CPXM2: variants seen among roughly 807,000 people sequenced by gnomAD.
The protein encoded by CPXM2 is carboxypeptidase X, M14 family member 2, also known as inactive carboxypeptidase-like protein X2.
A neutral mutation model predicts 86.1 loss-of-function variants in CPXM2; 66 were observed. That is an observed-to-expected ratio of 0.77 (90% CI 0.63 to 0.94). CPXM2 has a LOEUF of 0.94. Among genes scored for constraint, CPXM2 ranks in the 40% least tolerant of loss-of-function variants. The pLI, the probability that CPXM2 is intolerant of heterozygous loss-of-function variation, is 0.00. For synonymous variants in CPXM2, 388 were observed against 400.2 expected (o/e 0.97, Z 0.36); for missense variants, 948 against 1,026.3 (o/e 0.92, Z 1.04).
At chr10:123,770,222 C>T (rs1336665563) in intron 8 of CPXM2, among the ~76,000 whole-genome samples, 4 of 152,082 alleles carry the variant, frequency 2.6e-5, no homozygotes, top group Non-Finnish European at 5.9e-5. Flanking sequence ...TTCCATGAGC[C>T]GAGATTGTGC....
Position 123,823,404 on chromosome 10 carries a change from C to T in CPXM2, c.653+18945G>A, listed in dbSNP as rs922943033. Among the ~76,000 whole-genome samples, 6 of 152,038 alleles carry T rather than the reference C, an allele frequency of 3.9e-5. No homozygotes were observed. The East Asian group carries it at 7.7e-4, about 20-fold the overall frequency. ...TGGATATATTAAGAGGAGATTTTTG[C>T]GTCTGTCAGAAAGCTTTGGAATTAA... On this transcript the variant is annotated intron_variant, in intron 4 of 13. Transcript: ENST00000241305.
Position 123,891,089 on chromosome 10 carries a change from T to C in CPXM2, c.304+267A>G, listed in dbSNP as rs142655208. Among the ~76,000 whole-genome samples the C allele has an allele frequency of 8.9e-4, 136 of 152,324 alleles. 2 individuals are homozygous for C. The East Asian group carries it at 0.019, about 22-fold the overall frequency. ...CTTGAAACAAGAACTTTGACTCTCA[T>C]AGGCAGCCTCCCAATTGCACAGCTC... On this transcript the variant is annotated intron_variant, in intron 1 of 13. Coordinates refer to ENST00000241305, the MANE Select transcript of CPXM2 (RefSeq NM_198148.3). This position sits in a 1 kb window ranked among gnomAD's most constrained non-coding sequence, Gnocchi z 5.6.
intron 7 of CPXM2, among the ~76,000 whole-genome samples, chr10:123,773,179 GTTGTGGTTTTTATCTCTCTCA>G (rs1307321809): frequency 6.6e-6 from 1 of 151,478 alleles, no homozygotes; most frequent in African/African-American, 2.4e-5. Context: ...TGCCTCCCTG[GTTGTGGTTTTTATCTCTCTCA>G]TTGTGGTCAT....
intron 4 of CPXM2, among the ~76,000 whole-genome samples, chr10:123,822,938 T>C (rs1361608858): frequency 2.0e-5 from 3 of 152,258 alleles, no homozygotes; most frequent in Non-Finnish European, 2.9e-5. Flanking sequence ...CTAAAATTGA[T>C]TGCATTGATG....
intron 4 of CPXM2, among the ~76,000 whole-genome samples, chr10:123,828,244 C>T (rs1245388480): frequency 6.6e-6 from 1 of 152,116 alleles, no homozygotes; most frequent in Non-Finnish European, 1.5e-5. Flanking sequence ...CGATTGTTTA[C>T]AAGTGCAAAA....
intron 2 of CPXM2, among the ~76,000 whole-genome samples, chr10:123,904,607 C>G (rs1232594880): frequency 6.6e-6 from 1 of 152,150 alleles, no homozygotes; most frequent in Non-Finnish European, 1.5e-5. Flanking sequence ...GTGTCTAGCA[C>G]AATGCTTGGC....
Position 123,747,023 on chromosome 10 carries a change from A to G in CPXM2, c.2018-6T>C. On this transcript the variant is annotated splice_region_variant and splice_polypyrimidine_tract_variant and intron_variant, in intron 13 of 13. Coordinates refer to ENST00000241305, the MANE Select transcript of CPXM2 (RefSeq NM_198148.3). ...CCAGTAATCCCCATCGTTGGCTGTGAAAAAGAAAACCAGGGGAGACTCAGA... is the reference window on the plus strand; with the variant it reads ...CCAGTAATCCCCATCGTTGGCTGTGGAAAAGAAAACCAGGGGAGACTCAGA... The G allele has an allele frequency of 6.2e-7, 1 of 1,613,276 alleles. No homozygotes were observed. The highest frequency in any genetic ancestry group is 8.5e-7 in the Non-Finnish European group (1 of 1,179,610).
intron 2 of CPXM2, among the ~76,000 whole-genome samples, chr10:123,869,331 G>A (rs1378097284): frequency 6.6e-6 from 1 of 152,068 alleles, no homozygotes; most frequent in African/African-American, 2.4e-5. Flanking sequence ...GCCTCAAGAC[G>A]AGCTCCCCAT....
At chr10:123,922,016 T>C (rs930588530) in intron 2 of CPXM2, among the ~76,000 whole-genome samples, 1 of 152,180 alleles carries the variant, frequency 6.6e-6, no homozygotes, top group African/African-American at 2.4e-5. Flanking sequence ...TAAAGAAGAA[T>C]GTATCTTGTT....
At chr10:123,935,383 A>C (rs1328005125) in intron 2 of CPXM2, among the ~76,000 whole-genome samples, 1 of 152,106 alleles carries the variant, frequency 6.6e-6, no homozygotes, top group African/African-American at 2.4e-5. Context: ...TGGGGAACCC[A>C]CCCTGGGTGG....
At chr10:123,785,233 A>G (rs1008199189) in intron 6 of CPXM2, among the ~76,000 whole-genome samples, 5 of 152,178 alleles carry the variant, frequency 3.3e-5, no homozygotes, top group African/African-American at 1.2e-4. Context: ...TCCATCAGTA[A>G]CATAACGATC....
At chr10:123,922,531 C>G (rs1237193296) in intron 2 of CPXM2, among the ~76,000 whole-genome samples, 1 of 152,202 alleles carries the variant, frequency 6.6e-6, no homozygotes, top group East Asian at 1.9e-4. Flanking sequence ...TTTTTGTGAT[C>G]CTCACTCAGC....
At chr10:123,814,580 G>A (rs1466141415) in intron 4 of CPXM2, among the ~76,000 whole-genome samples, 1 of 152,166 alleles carries the variant, frequency 6.6e-6, no homozygotes, top group Non-Finnish European at 1.5e-5. Context: ...AGTGGTTCTA[G>A]AGGAGCAGAA....
chr10:123,893,560 C>G (rs575521232), upstream of CPXM2, among the ~76,000 whole-genome samples: 11 of 152,310 alleles, frequency 7.2e-5, no homozygotes, highest in African/African-American at 2.4e-4. Flanking sequence ...TGTCAAACCC[C>G]CAGGACGCTC....
At chr10:123,857,044 G>T (rs1848741307) in intron 3 of CPXM2, among the ~76,000 whole-genome samples, 1 of 152,172 alleles carries the variant, frequency 6.6e-6, no homozygotes, top group Admixed American at 6.5e-5. Flanking sequence ...GTATAAAGGG[G>T]TCCTGGGCGC....
At chr10:123,881,835 G>A (rs1156701156) in intron 1 of CPXM2, among the ~76,000 whole-genome samples, 1 of 152,226 alleles carries the variant, frequency 6.6e-6, no homozygotes, top group Admixed American at 6.5e-5. Context: ...CATGTCTGTT[G>A]ATGAGACAGG....
At chr10:123,910,593 T>G (rs1222534001) in intron 2 of CPXM2, among the ~76,000 whole-genome samples, 3 of 152,200 alleles carry the variant, frequency 2.0e-5, no homozygotes, top group African/African-American at 4.8e-5. Context: ...TGGTGCAGAA[T>G]CATCAGTTAC....
intron 7 of CPXM2, among the ~76,000 whole-genome samples, chr10:123,779,615 T>C (rs1209878166): frequency 6.6e-6 from 1 of 152,114 alleles, no homozygotes; most frequent in Non-Finnish European, 1.5e-5. Context: ...GCTTCACAAA[T>C]TTTCCCAGGT....
intron 4 of CPXM2, among the ~76,000 whole-genome samples, chr10:123,820,368 G>A (rs897275323): frequency 6.6e-6 from 1 of 152,040 alleles, no homozygotes; most frequent in Admixed American, 6.6e-5. Flanking sequence ...TCCCATCAGA[G>A]CTCAGACCCC....
Sources: allele counts gnomAD v4.1 joint callset (sites outside exome capture counted in the v4.1 genomes callset), GRCh38; gene constraint gnomAD v4.1.1; non-coding constraint Gnocchi (gnomAD v3.1); transcripts MANE v1.5; gene names NCBI Gene and HGNC (gene_info 2026-07-23, HGNC 2026-07-21).